The following MECOM variants were observed in gnomAD, a reference collection of about 807,000 sequenced individuals.
MECOM encodes MDS1 and EVI1 complex locus.
In MECOM, 13 loss-of-function variants were observed where a neutral mutation model predicts 116.3. That is an observed-to-expected ratio of 0.11 (90% confidence interval 0.07 to 0.18). The LOEUF is 0.18. MECOM is among the 10% of genes least tolerant of loss of function. MECOM has a pLI of 1.00. For missense variants in MECOM, 1,299 were observed against 1,509.0 expected (o/e 0.86, Z 2.31); for synonymous variants, 528 against 535.2 (o/e 0.99, Z 0.19).
intron 2 of MECOM, among the ~76,000 whole-genome samples, chr3:169,167,591 A>G (rs972437549): frequency 2.0e-5 from 3 of 152,222 alleles, no homozygotes; most frequent in African/African-American, 7.2e-5. Context: ...CAAATCCTCT[A>G]TAATTGCTTT....
At chr3:169,252,511 T>C (rs1181603999) in intron 2 of MECOM, among the ~76,000 whole-genome samples, 1 of 150,638 alleles carries the variant, frequency 6.6e-6, no homozygotes, top group East Asian at 1.9e-4. Flanking sequence ...ATTTTATATA[T>C]AACAAATATT....
intron 2 of MECOM, among the ~76,000 whole-genome samples, chr3:169,377,560 C>T (rs1731251720): frequency 6.6e-6 from 1 of 152,144 alleles, no homozygotes; most frequent in African/African-American, 2.4e-5. Context: ...GGCCAACAAA[C>T]ATATGCAAAA....
At chr3:169,619,471 A>G (rs1406296839) in intron 1 of MECOM, among the ~76,000 whole-genome samples, 2 of 151,988 alleles carry the variant, frequency 1.3e-5, no homozygotes, top group African/African-American at 4.8e-5. Flanking sequence ...GCACCTCAAG[A>G]TTTTGCTGTC....
At chr3:169,435,378 G>C (rs1198438010) in intron 1 of MECOM, among the ~76,000 whole-genome samples, 3 of 152,142 alleles carry the variant, frequency 2.0e-5, no homozygotes, top group Non-Finnish European at 2.9e-5. Flanking sequence ...TACTTGGAGA[G>C]CAGAAAGACC....
intron 1 of MECOM, among the ~76,000 whole-genome samples, chr3:169,603,309 T>A (rs1314435823): frequency 6.6e-6 from 1 of 152,188 alleles, no homozygotes; most frequent in South Asian, 2.1e-4. Flanking sequence ...AAGGTAAGGA[T>A]ATAAAAAATA....
At chr3:169,489,341 A>G in intron 1 of MECOM, among the ~76,000 whole-genome samples, 1 of 152,222 alleles carries the variant, frequency 6.6e-6, no homozygotes, top group East Asian at 1.9e-4. Flanking sequence ...AGAGAAAGTG[A>G]CAAGTCAAAT....
chr3:169,572,150 A>G (rs531247810), intron 1 of MECOM, among the ~76,000 whole-genome samples: 149 of 152,322 alleles, frequency 9.8e-4, no homozygotes, highest in African/African-American at 3.3e-3. Context: ...ACAAGAAACT[A>G]TCAAACAACC....
intron 2 of MECOM, among the ~76,000 whole-genome samples, chr3:169,380,013 T>G (rs1732132140): frequency 6.6e-6 from 1 of 152,190 alleles, no homozygotes. Flanking sequence ...CAAAGCCGGA[T>G]TCTGGCATTT....
chr3:169,399,730 T>C (rs184626120), intron 1 of MECOM, among the ~76,000 whole-genome samples: 52 of 152,350 alleles, frequency 3.4e-4, no homozygotes, highest in South Asian at 8.3e-4. Context: ...TTTTATGTTT[T>C]TGTGGAGTTT....
At chr3:169,537,099 G>A (rs528268090) in intron 1 of MECOM, among the ~76,000 whole-genome samples, 9 of 152,198 alleles carry the variant, frequency 5.9e-5, no homozygotes, top group African/African-American at 1.9e-4. Context: ...CCTATGGGCA[G>A]GACATTTCAC....
At chr3:169,322,491 T>A (rs1329135717) in intron 2 of MECOM, among the ~76,000 whole-genome samples, 2 of 152,088 alleles carry the variant, frequency 1.3e-5, no homozygotes, top group African/African-American at 4.8e-5. Flanking sequence ...TCATTAAAAA[T>A]CACATGAAAA....
intron 1 of MECOM, among the ~76,000 whole-genome samples, chr3:169,447,473 T>C (rs1048612859): frequency 6.6e-6 from 1 of 152,184 alleles, no homozygotes; most frequent in African/African-American, 2.4e-5. Context: ...GAGTTTGAGA[T>C]GTCCAAAGAA....
At chr3:169,505,392 C>A (rs16853890) in intron 1 of MECOM, among the ~76,000 whole-genome samples, 4 of 151,550 alleles carry the variant, frequency 2.6e-5, no homozygotes, top group East Asian at 1.9e-4. Flanking sequence ...TCCAGTTTTC[C>A]TTGGGTTTAT....
At chr3:169,240,521 C>T (rs555851019) in intron 2 of MECOM, among the ~76,000 whole-genome samples, 2 of 152,314 alleles carry the variant, frequency 1.3e-5, no homozygotes, top group Admixed American at 1.3e-4. Context: ...TGAAGAATGG[C>T]TTGTTATTAT....
intron 1 of MECOM, among the ~76,000 whole-genome samples, chr3:169,509,732 C>T (rs1269806481): frequency 6.6e-6 from 1 of 152,226 alleles, no homozygotes; most frequent in Non-Finnish European, 1.5e-5. Flanking sequence ...TGTATGTTTA[C>T]ACCACACTTT....
intron 2 of MECOM, among the ~76,000 whole-genome samples, chr3:169,362,943 C>T (rs1728544096): frequency 6.6e-6 from 1 of 151,814 alleles, no homozygotes; most frequent in Non-Finnish European, 1.5e-5. Flanking sequence ...TTTAGTGTTC[C>T]TATTTTTTTG....
At chr3:169,230,212 G>T (rs1577405839) in intron 2 of MECOM, among the ~76,000 whole-genome samples, 1 of 151,040 alleles carries the variant, frequency 6.6e-6, no homozygotes, top group East Asian at 1.9e-4. Context: ...TACCATCTTG[G>T]CTTTTCTCTA....
chr3:169,661,550 T>A (rs979421962), intron 1 of MECOM, among the ~76,000 whole-genome samples: 1 of 152,112 alleles, frequency 6.6e-6, no homozygotes, highest in Admixed American at 6.5e-5. Flanking sequence ...TTTAGGTTGA[T>A]TTCTCAGACC....
intron 2 of MECOM, among the ~76,000 whole-genome samples, chr3:169,344,915 C>T (rs1337674756): frequency 6.6e-6 from 1 of 152,112 alleles, no homozygotes; most frequent in Admixed American, 6.6e-5. Context: ...TAGTTTGCTA[C>T]TGATCTGCTA....
Sources: gnomAD v4.1 joint callset for allele counts (sites outside exome capture counted in the v4.1 genomes callset) on GRCh38, gnomAD v4.1.1 for gene constraint, MANE v1.5 for transcripts, NCBI Gene and HGNC (gene_info 2026-07-23, HGNC 2026-07-21) for gene names.